LRFN2: variants seen among roughly 807,000 people sequenced by gnomAD.
LRFN2 encodes the protein leucine rich repeat and fibronectin type III domain containing 2.
LRFN2 carries 18 observed loss-of-function variants against 37.3 expected under a neutral mutation model. That is an observed-to-expected ratio of 0.48 (90% CI 0.33 to 0.72). LRFN2 has a LOEUF of 0.72. Ranked by LOEUF, LRFN2 falls within the 30% of genes least tolerant of loss-of-function variation. The pLI is 0.02. For synonymous variants in LRFN2, 556 were observed against 466.6 expected, an observed-to-expected ratio of 1.19 and a Z score of -2.47; for missense variants, 1,006 against 1,060.7, an observed-to-expected ratio of 0.95 and a Z score of 0.72.
intron 1 of LRFN2, among the ~76,000 whole-genome samples, chr6:40,518,408 C>A (rs1236906141): frequency 1.3e-5 from 2 of 152,140 alleles, no homozygotes; most frequent in African/African-American, 4.8e-5. Flanking sequence ...AAGTAAGTTG[C>A]CAAGCTCACC....
At chr6:40,452,178 G>A (rs1160062622) in intron 1 of LRFN2, among the ~76,000 whole-genome samples, 1 of 152,130 alleles carries the variant, frequency 6.6e-6, no homozygotes, top group African/African-American at 2.4e-5. Flanking sequence ...AAGAATCAAG[G>A]GCAAAGTGTA....
chr6:40,546,623 C>T (rs966921177), intron 1 of LRFN2, among the ~76,000 whole-genome samples: 1 of 152,202 alleles, frequency 6.6e-6, no homozygotes, highest in African/African-American at 2.4e-5. Context: ...GATTCAAATC[C>T]CAGCTCTATA....
chr6:40,527,259 A>G (rs1268443941), intron 1 of LRFN2, among the ~76,000 whole-genome samples: 2 of 152,238 alleles, frequency 1.3e-5, no homozygotes, highest in Non-Finnish European at 2.9e-5. Context: ...GCCTTCTCTA[A>G]CAATGCATTC....
intron 1 of LRFN2, among the ~76,000 whole-genome samples, chr6:40,571,976 C>T (rs544425526): frequency 9.2e-5 from 14 of 152,246 alleles, no homozygotes; most frequent in Non-Finnish European, 1.9e-4. Flanking sequence ...ACAGGGTCTC[C>T]AAAACAGGGG....
At chr6:40,473,113 C>T (rs1280978614) in intron 1 of LRFN2, among the ~76,000 whole-genome samples, 2 of 152,162 alleles carry the variant, frequency 1.3e-5, no homozygotes, top group Admixed American at 6.5e-5. Context: ...TACCTTCTTG[C>T]TCCCCAAGAT....
intron 1 of LRFN2, among the ~76,000 whole-genome samples, chr6:40,442,262 G>C (rs886297396): frequency 1.3e-5 from 2 of 152,196 alleles, no homozygotes; most frequent in Non-Finnish European, 2.9e-5. Context: ...ATTTCCATTT[G>C]GCTGGAGAAT....
At chr6:40,474,199 C>T (rs1764663370) in intron 1 of LRFN2, among the ~76,000 whole-genome samples, 1 of 152,184 alleles carries the variant, frequency 6.6e-6, no homozygotes, top group Non-Finnish European at 1.5e-5. Flanking sequence ...TGGATTAAAA[C>T]AACAGAGATT....
chr6:40,432,139 G>T lies in LRFN2; in HGVS notation c.975C>A (p.Pro325=). ...AGGAGTTCCCTACCAGGCGGTCATCGGGGGCTACCCAGTGGATAAGGGGGC... is the reference window on the plus strand; with the variant it reads ...AGGAGTTCCCTACCAGGCGGTCATCTGGGGCTACCCAGTGGATAAGGGGGC... ...DPSPLIHWVA[P]DDRLVGNSSR... The change falls in exon 2 of 3, where the codon CCC becomes CCA. Residue 325 remains proline, a synonymous_variant. Coordinates refer to ENST00000338305, the MANE Select transcript of LRFN2 (RefSeq NM_020737.3). 1 of 1,613,742 alleles carries T rather than the reference G, an allele frequency of 6.2e-7. No individual in the cohort carries two copies. The highest frequency in any genetic ancestry group is 8.5e-7 in the Non-Finnish European group (1 of 1,179,950).
Position 40,391,913 on chromosome 6 carries a change from G to T in LRFN2, c.*30C>A, listed in dbSNP as rs370299927. 3 of 1,495,742 alleles carry T rather than the reference G, an allele frequency of 2.0e-6. No homozygotes were observed. Among genetic ancestry groups the T allele is most frequent in the Non-Finnish European group, 2.7e-6 (3 of 1,120,330 alleles). 92.7% of individuals were successfully genotyped at this position (1,495,742 alleles called of 1,614,324 possible). On this transcript the variant is annotated 3_prime_UTR_variant, in exon 3 of 3. Transcript: ENST00000338305. ...ATTCTTTCCCCTTCTCCCACCCTGCGCACAGGAAAGGGAGCATGCCCACCC... is the reference window on the plus strand; with the variant it reads ...ATTCTTTCCCCTTCTCCCACCCTGCTCACAGGAAAGGGAGCATGCCCACCC...
At chr6:40,433,872 T>G (rs1451906657) in intron 1 of LRFN2, among the ~76,000 whole-genome samples, 1 of 152,144 alleles carries the variant, frequency 6.6e-6, no homozygotes, top group Non-Finnish European at 1.5e-5. Context: ...ATCTGGACCC[T>G]CACATACATC....
At chr6:40,520,315 G>A (rs994322500) in intron 1 of LRFN2, among the ~76,000 whole-genome samples, 6 of 152,080 alleles carry the variant, frequency 3.9e-5, no homozygotes, top group African/African-American at 1.4e-4. Flanking sequence ...GCAGCTTAAG[G>A]ATGTGGGCTG....
chr6:40,555,367 G>T (rs1766852324), intron 1 of LRFN2, among the ~76,000 whole-genome samples: 1 of 152,156 alleles, frequency 6.6e-6, no homozygotes, highest in Non-Finnish European at 1.5e-5. Flanking sequence ...AGGAGGTGAG[G>T]AGACCCTCCT....
At chr6:40,406,042 G>T (rs1762838545) in intron 2 of LRFN2, among the ~76,000 whole-genome samples, 1 of 152,140 alleles carries the variant, frequency 6.6e-6, no homozygotes, top group Admixed American at 6.5e-5. Flanking sequence ...CCTCCATGGG[G>T]CTCCTTCATG....
intron 1 of LRFN2, among the ~76,000 whole-genome samples, chr6:40,543,773 G>A (rs563455335): frequency 1.3e-5 from 2 of 152,358 alleles, no homozygotes; most frequent in African/African-American, 4.8e-5. Flanking sequence ...GCAGCATGCT[G>A]AAAAGGGATT....
chr6:40,400,899 G>T (rs1324127834), intron 2 of LRFN2, among the ~76,000 whole-genome samples: 2 of 151,702 alleles, frequency 1.3e-5, no homozygotes, highest in African/African-American at 4.8e-5. Flanking sequence ...GTGAGTGTGT[G>T]CCAGAGTGTA....
At chr6:40,542,371 A>G (rs1451605382) in intron 1 of LRFN2, among the ~76,000 whole-genome samples, 1 of 152,090 alleles carries the variant, frequency 6.6e-6, no homozygotes, top group Non-Finnish European at 1.5e-5. Flanking sequence ...AATGCTGGGC[A>G]GGAGGAGGAG....
intron 1 of LRFN2, among the ~76,000 whole-genome samples, chr6:40,476,326 A>G (rs1764708761): frequency 2.0e-5 from 3 of 152,216 alleles, no homozygotes; most frequent in African/African-American, 7.2e-5. Flanking sequence ...CTTTGATAAC[A>G]CAGATGTATT....
intron 2 of LRFN2, among the ~76,000 whole-genome samples, chr6:40,408,230 T>C (rs1428186678): frequency 1.3e-5 from 2 of 152,222 alleles, no homozygotes; most frequent in African/African-American, 2.4e-5. Flanking sequence ...GTAAATGTTA[T>C]GTATATTTTA....
At chr6:40,459,170 G>T (rs2113848636) in intron 1 of LRFN2, among the ~76,000 whole-genome samples, 1 of 152,334 alleles carries the variant, frequency 6.6e-6, no homozygotes, top group East Asian at 1.9e-4. Context: ...GACTAGGCAG[G>T]CAGGTTGCAG....
Sources: gnomAD v4.1 joint callset for allele counts (sites outside exome capture counted in the v4.1 genomes callset) on GRCh38, gnomAD v4.1.1 for gene constraint, MANE v1.5 for transcripts, NCBI Gene and HGNC (gene_info 2026-07-23, HGNC 2026-07-21) for gene names.